The following TNPO3 variants were observed in gnomAD, a reference collection of about 807,000 sequenced individuals.
TNPO3 encodes transportin 3.
TNPO3 carries 65 observed loss-of-function variants against 122.8 expected under a neutral mutation model. That is an observed-to-expected ratio of 0.53 (90% CI 0.43 to 0.65). The LOEUF (loss-of-function observed/expected upper bound fraction) is 0.65. TNPO3 is among the 30% of genes least tolerant of loss of function. The pLI is 0.00. For synonymous variants in TNPO3, 372 were observed against 411.2 expected (o/e 0.90, Z 1.15); for missense variants, 850 against 1,136.7 (o/e 0.75, Z 3.63).
intron 5 of TNPO3, among the ~76,000 whole-genome samples, chr7:129,003,283 T>C (rs965876766): frequency 3.4e-5 from 5 of 147,846 alleles, no homozygotes; most frequent in African/African-American, 1.2e-4. Context: ...ATATGAAGTA[T>C]TTTAATTTTT....
chr7:129,047,599 A>C (rs752337592), intron 1 of TNPO3, among the ~76,000 whole-genome samples: 1 of 152,234 alleles, frequency 6.6e-6, no homozygotes, highest in African/African-American at 2.4e-5. Flanking sequence ...GCTAACTCAC[A>C]GTACAGGCTA....
At chr7:128,993,975 TAAAATCAAGAAGAAGAAAAA>T (rs1373218490) in intron 8 of TNPO3, 61 bp from the exon 9 acceptor site, 2 of 1,432,530 alleles carry the variant, frequency 1.4e-6, no homozygotes, top group African/African-American at 2.9e-5. Flanking sequence ...ATGACCTCTA[TAAAATCAAGAAGAAGAAAAA>T]AACCATTAAG....
At position 129,004,978 on chromosome 7, in the gene TNPO3, T is replaced by A. The variant is rs199516274; in HGVS notation, c.696+38A>T. The A allele has an allele frequency of 1.8e-3, 2,863 of 1,582,664 alleles. 8 individuals are homozygous for A. The highest frequency in any genetic ancestry group is 3.0e-3 in the Admixed American group (163 of 53,840). ...CCAGCAGGTTAGTTACGAAAAGTGA[T>A]TGGCAGAAATACTTTGATAAATAAG... is the stretch of plus-strand genomic sequence containing the variant. On this transcript the variant is annotated intron_variant, in intron 5 of 22. Coordinates refer to ENST00000265388, the MANE Select transcript of TNPO3 (RefSeq NM_012470.4).
chr7:128,985,384 C>T lies in TNPO3; in HGVS notation c.1691-1125G>A, dbSNP rs553515834. On this transcript the variant is annotated intron_variant, in intron 12 of 22. Transcript: ENST00000265388. ...CCAAGGCAGGAGGATCACTTGAAGC[C>T]ATGAGTTCAAGACCAGCCTGGGCTA... 2.6e-5 allele frequency among the ~76,000 whole-genome samples: 4 copies of T among 152,292 alleles called. No individual in the cohort carries two copies. The East Asian group carries it at 7.7e-4, about 29-fold the overall frequency.
chr7:129,015,705 C>T (rs145899513), intron 3 of TNPO3, among the ~76,000 whole-genome samples: 11 of 152,176 alleles, frequency 7.2e-5, no homozygotes, highest in Admixed American at 5.2e-4. Context: ...TGGTGGTATG[C>T]ATCTGTAATC....
At chr7:129,025,659 T>C (rs1190913356) in intron 1 of TNPO3, among the ~76,000 whole-genome samples, 1 of 151,204 alleles carries the variant, frequency 6.6e-6, no homozygotes, top group Non-Finnish European at 1.5e-5. Flanking sequence ...GCAATCCTCT[T>C]GCCTGGGTCT....
At chr7:128,970,424 G>T in intron 19 of TNPO3, 109 bp from the exon 20 acceptor site, 1 of 1,031,212 alleles carries the variant, frequency 9.7e-7, no homozygotes, top group Non-Finnish European at 1.4e-6. Flanking sequence ...GTGTGTGTGT[G>T]TGTGCACGCG....
At position 128,982,006 on chromosome 7, in the gene TNPO3, G is replaced by C. The variant is rs73463042; in HGVS notation, c.1859+242C>G. 0.024 allele frequency among the ~76,000 whole-genome samples: 3,673 copies of C among 152,236 alleles called. 77 individuals carry two copies. The highest frequency in any genetic ancestry group is 0.065 in the East Asian group (338 of 5,182). The stretch of plus-strand genomic sequence containing the variant: ...TGGCCTCCCAGGTGCTGGGATTACA[G>C]GTGTGAGCCATCGCTCCCGGCCTTC... On this transcript the variant is annotated intron_variant, in intron 14 of 22. Transcript: ENST00000265388.
intron 21 of TNPO3, among the ~76,000 whole-genome samples, chr7:128,962,588 C>T (rs1221897600): frequency 3.9e-5 from 6 of 152,208 alleles, no homozygotes. Context: ...TTGTCTACTA[C>T]AGGCATTCTA....
At chr7:129,023,076 T>C (rs1351304448) in intron 1 of TNPO3, among the ~76,000 whole-genome samples, 1 of 152,130 alleles carries the variant, frequency 6.6e-6, no homozygotes, top group Non-Finnish European at 1.5e-5. Context: ...CTGATAGTAG[T>C]AGTGTTAGTA....
intron 5 of TNPO3, among the ~76,000 whole-genome samples, chr7:129,004,499 C>T (rs1802358670): frequency 6.6e-6 from 1 of 152,208 alleles, no homozygotes; most frequent in Non-Finnish European, 1.5e-5. Context: ...TATAAAAAGA[C>T]ATTAGTACTT....
rs182111741 is a variant in TNPO3 at position 129,053,158 on chromosome 7, T to A, written c.120+1493A>T. Among the ~76,000 whole-genome samples the A allele has an allele frequency of 1.4e-3, 214 of 152,184 alleles. 1 individual carries two copies. Among genetic ancestry groups the A allele is most frequent in the Middle Eastern group, 6.8e-3 (2 of 292 alleles). ...GGCCAACATGGCGAAACCCCGTTTC[T>A]ACTAAAAAATACAAAAATTAGCTGG... On this transcript the variant is annotated intron_variant, in intron 1 of 22. Transcript: ENST00000265388.
At chr7:128,993,991 A>G in intron 8 of TNPO3, 77 bp from the exon 9 acceptor site, 2 of 1,326,424 alleles carry the variant, frequency 1.5e-6, no homozygotes, top group Non-Finnish European at 2.1e-6. Context: ...CAAGAAGAAG[A>G]AAAAAACCAT....
chr7:128,990,969 C>A (rs1468183573), intron 10 of TNPO3, among the ~76,000 whole-genome samples: 4 of 139,262 alleles, frequency 2.9e-5, no homozygotes, highest in Non-Finnish European at 5.0e-5. Flanking sequence ...GCTTGAAATG[C>A]ATATAAACAA....
In TNPO3 at chr7:129,054,655, C is replaced by T. The variant is rs2150585894; in HGVS notation, c.116G>A (p.Arg39His). Residue 39 changes from arginine (R) to histidine (H), a missense_variant, in exon 1 of 23, where the codon CGT becomes CAT. Coordinates refer to ENST00000265388, the MANE Select transcript of TNPO3 (RefSeq NM_012470.4). ...CTGCCTCTCTGGGCCCCTCACCGAA[C>T]GCTGCAGCTCCCCAAGCCAAAAAGA... ...RASFWLGELQ[R>H]SVHAWEISDQ... 6.2e-7 allele frequency: 1 copy of T among 1,613,876 alleles called. No homozygotes were observed. The highest frequency in any genetic ancestry group is 8.5e-7 in the Non-Finnish European group (1 of 1,180,024).
At chr7:129,056,066 C>T (rs1391919798), upstream of TNPO3, 5 of 1,168,260 alleles carry the variant, frequency 4.3e-6, no homozygotes, top group South Asian at 1.3e-5. Flanking sequence ...GGAAGATGAA[C>T]GGGCGGAAGA....
chr7:128,986,624 AAAC>A (rs1320152506), intron 12 of TNPO3, 102 bp downstream of exon 12: 1 of 1,078,862 alleles, frequency 9.3e-7, no homozygotes, highest in Non-Finnish European at 1.3e-6. Flanking sequence ...ATAAATTCTT[AAAC>A]ACTAAGTACA....
At chr7:129,049,580 A>G (rs768889976) in intron 1 of TNPO3, among the ~76,000 whole-genome samples, 5 of 152,244 alleles carry the variant, frequency 3.3e-5, no homozygotes, top group Non-Finnish European at 5.9e-5. Context: ...CTTCTGTTTA[A>G]AATGACTAAA....
rs1288644952 is a variant in TNPO3 at position 128,982,430 on chromosome 7, T to C, written c.1783-106A>G. 1.1e-5 allele frequency: 10 copies of C among 943,048 alleles called. No individual in the cohort carries two copies. In the East Asian group the frequency reaches 1.3e-4, roughly 13 times the overall value. 58.4% of individuals were successfully genotyped at this position (943,048 alleles called of 1,614,324 possible). ...GTCTCAATCTCTGCTTATTTCCTTA[T>C]ATAAAGTCCTAAAAGTATATAAACT... On this transcript the variant is annotated intron_variant, in intron 13 of 22. Coordinates refer to ENST00000265388, the MANE Select transcript of TNPO3 (RefSeq NM_012470.4).
Sources: allele counts gnomAD v4.1 joint callset (sites outside exome capture counted in the v4.1 genomes callset), GRCh38; gene constraint gnomAD v4.1.1; transcripts MANE v1.5; gene names NCBI Gene and HGNC (gene_info 2026-07-23, HGNC 2026-07-21).